The following FIBP variants were observed in gnomAD, a reference collection of about 807,000 sequenced individuals.
The protein encoded by FIBP is FGF1 intracellular binding protein.
FIBP carries 29 observed loss-of-function variants against 40.5 expected under a neutral mutation model. The ratio of observed to expected loss-of-function variants is 0.72; its 90% CI spans 0.53 to 0.98. The LOEUF (loss-of-function observed/expected upper bound fraction) is 0.98, where lower values mean the gene tolerates loss of function less well. Ranked by LOEUF, FIBP falls within the 50% of genes least tolerant of loss-of-function variation. The pLI is 0.00. For missense variants in FIBP, 411 were observed against 470.2 expected, an observed-to-expected ratio of 0.87 and a Z score of 1.16; for synonymous variants, 215 against 191.1, an observed-to-expected ratio of 1.13 and a Z score of -1.03.
chr11:65,887,332 G>T, intron 3 of FIBP: 1 of 474,882 alleles, frequency 2.1e-6, no homozygotes, highest in Non-Finnish European at 3.9e-6. Flanking sequence ...TGTAATCTCA[G>T]CTACTGCAGA....
At chr11:65,886,287 T>C (rs1318924448) in intron 4 of FIBP, 35 bp downstream of exon 4, 2 of 1,436,822 alleles carry the variant, frequency 1.4e-6, no homozygotes, top group South Asian at 1.1e-5. Context: ...GCCCAGGAAG[T>C]AGTGTGCGGG....
chr11:65,888,224 C>T lies in FIBP; in HGVS notation c.86-92G>A, dbSNP rs1488306633. The T allele has an allele frequency of 4.8e-6, 7 of 1,467,742 alleles. No homozygotes were observed. In the Middle Eastern group the frequency reaches 5.1e-4, roughly 108 times the overall value. The allele number at this position is 1,467,742 out of a possible 1,614,324, so 90.9% of individuals were successfully genotyped here. Reference sequence around the variant, plus strand: ...CCAGACCCCTATAACACCTCTTATTCCCAGGCGCTCGCCCACTTCCCTAAA... The same window carrying T: ...CCAGACCCCTATAACACCTCTTATTTCCAGGCGCTCGCCCACTTCCCTAAA... On this transcript the variant is annotated intron_variant, in intron 1 of 9. Coordinates refer to ENST00000357519, the MANE Select transcript of FIBP (RefSeq NM_004214.5).
In FIBP at chr11:65,883,796, G is replaced by T; in HGVS notation, c.*178C>A. ...GCTGAGCACAGACACCATTCCCTGA[G>T]ATATGTCTCAGTTCCCAAGGAGCCA... On this transcript the variant is annotated 3_prime_UTR_variant, in exon 10 of 10. Transcript: ENST00000357519. 1 of 738,068 alleles carries T rather than the reference G, an allele frequency of 1.4e-6. No homozygotes were observed. Among genetic ancestry groups the T allele is most frequent in the Non-Finnish European group, 2.3e-6 (1 of 443,310 alleles). The allele number at this position is 738,068 out of a possible 1,614,324, so 45.7% of individuals were successfully genotyped here. A position where few individuals can be genotyped will look rare whatever the true frequency, so the allele number is the denominator to read the frequency against.
chr11:65,886,447 G>A, intron 3 of FIBP, 25 bp from the exon 4 acceptor site: 1 of 1,503,736 alleles, frequency 6.7e-7, no homozygotes, highest in Non-Finnish European at 9.3e-7. Context: ...GGGTAGAAGA[G>A]AGGACTGGTC....
rs750970017 is a variant in FIBP at position 65,885,052 on chromosome 11, C to T, written c.755+26G>A. On this transcript the variant is annotated intron_variant, in intron 6 of 9. Coordinates refer to ENST00000357519, the MANE Select transcript of FIBP (RefSeq NM_004214.5). ...CCACCTGGGCCCCTACTGCAGGCCC[C>T]GCCCCATGGGCCCCTACAAGGTCAC... 25 of 1,612,428 alleles carry T rather than the reference C, an allele frequency of 1.6e-5. No individual in the cohort carries two copies. The South Asian group carries it at 2.0e-4, about 13-fold the overall frequency.
intron 4 of FIBP, 188 bp from the exon 5 acceptor site, chr11:65,885,851 T>C (rs1464038774): frequency 5.0e-6 from 3 of 594,868 alleles, no homozygotes; most frequent in Non-Finnish European, 8.8e-6. Flanking sequence ...CAGCTCAAGT[T>C]TACTAGTGGA....
At chr11:65,886,573 T>A (rs1052656142) in intron 3 of FIBP, 151 bp from the exon 4 acceptor site, 2 of 616,456 alleles carry the variant, frequency 3.2e-6, no homozygotes, top group Non-Finnish European at 5.9e-6. Context: ...TTCAACCAAC[T>A]ATTAGTTATT....
In FIBP at chr11:65,885,238, T is replaced by C. The variant is rs539134005; in HGVS notation, c.647-52A>G. On this transcript the variant is annotated intron_variant, in intron 5 of 9. Coordinates refer to ENST00000357519, the MANE Select transcript of FIBP (RefSeq NM_004214.5). ...TGGGTGATAAAAACCCCTCCTGTGATAGCCTAAGCCTTTCCTCACCCACCA... is the reference window on the plus strand; with the variant it reads ...TGGGTGATAAAAACCCCTCCTGTGACAGCCTAAGCCTTTCCTCACCCACCA... 42 of 1,314,906 alleles carry C rather than the reference T, an allele frequency of 3.2e-5. No individual in the cohort carries two copies. The East Asian group carries it at 8.7e-4, about 27-fold the overall frequency. The allele number at this position is 1,314,906 out of a possible 1,614,324, so 81.5% of individuals were successfully genotyped here.
chr11:65,885,203 G>C lies in FIBP; in HGVS notation c.647-17C>G, dbSNP rs550280360. 2.8e-5 allele frequency: 39 copies of C among 1,405,880 alleles called. No homozygotes were observed. Among genetic ancestry groups the C allele is most frequent in the Middle Eastern group, 1.8e-4 (1 of 5,628 alleles). 87.1% of individuals were successfully genotyped at this position (1,405,880 alleles called of 1,614,324 possible). Reference sequence around the variant, plus strand: ...TCTGTGAGTCTGTGAGGCCATGAAGGGGGTGGGGGTGGGTGATAAAAACCC... The same window carrying C: ...TCTGTGAGTCTGTGAGGCCATGAAGCGGGTGGGGGTGGGTGATAAAAACCC... On this transcript the variant is annotated splice_polypyrimidine_tract_variant and intron_variant, in intron 5 of 9. Transcript: ENST00000357519.
intron 3 of FIBP, chr11:65,886,751 A>C (rs1396450195): frequency 8.8e-6 from 2 of 228,128 alleles, no homozygotes; most frequent in Non-Finnish European, 1.7e-5. Flanking sequence ...TAGAAACTAA[A>C]AAATAAAAAA....
Position 65,884,496 on chromosome 11 carries a change from G to A in FIBP, c.907-7C>T, listed in dbSNP as rs1860176590. 1 of 1,614,126 alleles carries A rather than the reference G, an allele frequency of 6.2e-7. No homozygotes were observed. Among genetic ancestry groups the A allele is most frequent in the Non-Finnish European group, 8.5e-7 (1 of 1,179,996 alleles). ...AGCGGCAGGGTTCCACAAACTGCGGGCCCAAGAGAATACTTAGCACTTGTA... is the reference window on the plus strand; with the variant it reads ...AGCGGCAGGGTTCCACAAACTGCGGACCCAAGAGAATACTTAGCACTTGTA... On this transcript the variant is annotated splice_region_variant and splice_polypyrimidine_tract_variant and intron_variant, in intron 8 of 9. Transcript: ENST00000357519.
At chr11:65,887,512 ACAAT>A in intron 3 of FIBP, 84 bp downstream of exon 3, 1 of 1,421,560 alleles carries the variant, frequency 7.0e-7, no homozygotes, top group African/African-American at 1.4e-5. Flanking sequence ...AGCTGCTGCC[ACAAT>A]CAGAGGCTGG....
chr11:65,888,436 CAGCGCCCCG>C lies in FIBP; in HGVS notation c.-27_-19del. ...CTGGTCATGGCGACGCCCGGGGCCGCAGCGCCCCGAGCAGGAGCGAGCACTGCTCGGGAC... is the reference window on the plus strand; with the variant it reads ...CTGGTCATGGCGACGCCCGGGGCCGCAGCAGGAGCGAGCACTGCTCGGGAC... On this transcript the variant is annotated 5_prime_UTR_variant, in exon 1 of 10. Coordinates refer to ENST00000357519, the MANE Select transcript of FIBP (RefSeq NM_004214.5). The C allele has an allele frequency of 6.4e-7, 1 of 1,552,804 alleles. No homozygotes were observed. The highest frequency in any genetic ancestry group is 8.7e-7 in the Non-Finnish European group (1 of 1,147,116).
rs758599897 is a variant in FIBP at position 65,885,094 on chromosome 11, G to C, written c.739C>G (p.Leu247Val). 6.2e-7 allele frequency: 1 copy of C among 1,607,610 alleles called. No individual in the cohort carries two copies. Among genetic ancestry groups the C allele is most frequent in the South Asian group, 1.1e-5 (1 of 91,040 alleles). ...CAAGGTCACCTCTTGTGCAGGTCCA[G>C]AAGGTCCTTGTCAGCCACTAGCACC... ...LKVLVADKDL[L>V]DLHKSLVCTA... is the part of the protein sequence containing the mutation. Residue 247 changes from leucine (L) to valine (V), a missense_variant, in exon 6 of 10, where the codon CTG becomes GTG. Leu to Val is a conservative substitution (Grantham distance 32, BLOSUM62 1). Coordinates refer to ENST00000357519, the MANE Select transcript of FIBP (RefSeq NM_004214.5).
chr11:65,888,219 T>G, intron 1 of FIBP, 87 bp from the exon 2 acceptor site: 2 of 1,473,010 alleles, frequency 1.4e-6, no homozygotes, highest in Non-Finnish European at 1.8e-6. Context: ...ATAACACCTC[T>G]TATTCCCAGG....
rs537415070 is a variant in FIBP at position 65,885,397 on chromosome 11, G to A, written c.646+133C>T. The A allele has an allele frequency of 2.6e-5, 29 of 1,133,680 alleles. No homozygotes were observed. The South Asian group carries it at 4.0e-4, about 16-fold the overall frequency. 70.2% of individuals were successfully genotyped at this position (1,133,680 alleles called of 1,614,324 possible). A position where few individuals can be genotyped will look rare whatever the true frequency, so the allele number is the denominator to read the frequency against. On this transcript the variant is annotated intron_variant, in intron 5 of 9. Coordinates refer to ENST00000357519, the MANE Select transcript of FIBP (RefSeq NM_004214.5). ...GTGTGGGGAAAACATTCTATGGGCA[G>A]GGGGAGCCTGGGTGGGGGCCATGAA...
At position 65,884,411 on chromosome 11, in the gene FIBP, G is replaced by A. The variant is rs745540957; in HGVS notation, c.985C>T (p.His329Tyr). 1.5e-5 allele frequency: 24 copies of A among 1,614,012 alleles called. No individual in the cohort carries two copies. The highest frequency in any genetic ancestry group is 1.9e-5 in the Non-Finnish European group (23 of 1,179,940). ...GCTCACCGGAAGCCATCGAGGGAGT[G>A]GACAGACGCTGAATACTGATTCAGG... Reference protein sequence around the residue: ...FFLNQYSASVHSLDGFRHQAL... With the variant: ...FFLNQYSASVYSLDGFRHQAL... Residue 329 changes from histidine (H) to tyrosine (Y), a missense_variant, in exon 9 of 10, where the codon CAC becomes TAC. By Grantham distance (83) the His-to-Tyr change is moderately conservative (BLOSUM62 2). Transcript: ENST00000357519.
chr11:65,886,061 T>TCGGGAGGCTGAGGCAGAATTGCTTGAAC lies in FIBP; in HGVS notation c.512+233_512+260dup, dbSNP rs1860227484. On this transcript the variant is annotated intron_variant, in intron 4 of 9. Coordinates refer to ENST00000357519, the MANE Select transcript of FIBP (RefSeq NM_004214.5). ...GGCTCAAGCCTGTAATCCCAGCTAC[T>TCGGGAGGCTGAGGCAGAATTGCTTGAAC]CGGGAGGCTGAGGCAGAATTGCTTG... 6.4e-6 allele frequency: 3 copies of TCGGGAGGCTGAGGCAGAATTGCTTGAAC among 471,528 alleles called. No homozygotes were observed. The South Asian group carries it at 7.7e-5, about 12-fold the overall frequency. 29.2% of individuals were successfully genotyped at this position (471,528 alleles called of 1,614,324 possible).
Position 65,885,199 on chromosome 11 carries a change from G to T in FIBP, c.647-13C>A. ...TCCATCTGTGAGTCTGTGAGGCCAT[G>T]AAGGGGGTGGGGGTGGGTGATAAAA... is the stretch of plus-strand genomic sequence containing the variant. On this transcript the variant is annotated splice_polypyrimidine_tract_variant and intron_variant, in intron 5 of 9. Coordinates refer to ENST00000357519, the MANE Select transcript of FIBP (RefSeq NM_004214.5). 9.7e-7 allele frequency: 1 copy of T among 1,025,746 alleles called. No homozygotes were observed. Among genetic ancestry groups the T allele is most frequent in the Non-Finnish European group, 1.5e-6 (1 of 654,378 alleles). 63.5% of individuals were successfully genotyped at this position (1,025,746 alleles called of 1,614,324 possible). A position where few individuals can be genotyped will look rare whatever the true frequency, so the allele number is the denominator to read the frequency against.
Sources: gnomAD v4.1 joint callset for allele counts on GRCh38, gnomAD v4.1.1 for gene constraint, MANE v1.5 for transcripts, NCBI Gene and HGNC (gene_info 2026-07-23, HGNC 2026-07-21) for gene names.